SMARCC1: variants seen among roughly 807,000 people sequenced by gnomAD.
SMARCC1 encodes the protein SWI/SNF complex subunit SMARCC1.
Under a neutral mutation model 147.4 loss-of-function variants are expected in SMARCC1, and 43 were observed. The observed-to-expected ratio is 0.29, with a 90% CI of 0.23 to 0.38. The LOEUF (loss-of-function observed/expected upper bound fraction) is 0.38. SMARCC1 is among the 10% of genes least tolerant of loss of function. The pLI is 1.00. For missense variants in SMARCC1, 1,119 were observed against 1,381.1 expected, an observed-to-expected ratio of 0.81 and a Z score of 3.01; for synonymous variants, 495 against 484.4, an observed-to-expected ratio of 1.02 and a Z score of -0.29.
intron 13 of SMARCC1, among the ~76,000 whole-genome samples, chr3:47,688,565 TA>T (rs1277031409): frequency 6.6e-6 from 1 of 152,210 alleles, no homozygotes; most frequent in Non-Finnish European, 1.5e-5. Context: ...AGACGCCGTT[TA>T]TTTTTAAAAA....
At chr3:47,681,882 G>C (rs2033648246) in intron 14 of SMARCC1, among the ~76,000 whole-genome samples, 1 of 151,794 alleles carries the variant, frequency 6.6e-6, no homozygotes, top group South Asian at 2.1e-4. Flanking sequence ...GTTAGGAAAG[G>C]CCCACTTTTA....
chr3:47,600,998 TGAGAGAGAGAGAGAGAGAGA>T (rs66582985), intron 26 of SMARCC1, among the ~76,000 whole-genome samples: 83 of 85,140 alleles, frequency 9.7e-4, no homozygotes, highest in Non-Finnish European at 1.1e-3. Context: ...AGGAAGAAAA[TGAGAGAGAGAGAGAGAGAGA>T]GAGAGAGAGA....
chr3:47,765,986 G>A (rs761208768), intron 2 of SMARCC1, among the ~76,000 whole-genome samples: 14 of 152,126 alleles, frequency 9.2e-5, no homozygotes, highest in Non-Finnish European at 1.3e-4. Flanking sequence ...ACCTACCTCA[G>A]CCTCCCAAAG....
chr3:47,590,562 A>G, intron 27 of SMARCC1, 99 bp downstream of exon 27: 1 of 1,055,690 alleles, frequency 9.5e-7, no homozygotes, highest in South Asian at 2.1e-5. Flanking sequence ...TCATCCATGG[A>G]CCTGCCAAAT....
chr3:47,655,552 C>T (rs2033250614), intron 21 of SMARCC1, among the ~76,000 whole-genome samples: 1 of 151,836 alleles, frequency 6.6e-6, no homozygotes. Flanking sequence ...CAAAAATCAG[C>T]CAGGTGTCGT....
chr3:47,603,745 C>T (rs1037461410), intron 26 of SMARCC1: 7 of 277,902 alleles, frequency 2.5e-5, no homozygotes, highest in African/African-American at 1.1e-4. Flanking sequence ...CTGTGTATTT[C>T]ATTAAGATCA....
intron 19 of SMARCC1, among the ~76,000 whole-genome samples, chr3:47,668,856 G>C (rs1236128313): frequency 6.7e-6 from 1 of 149,824 alleles, no homozygotes; most frequent in Non-Finnish European, 1.5e-5. Flanking sequence ...CTGCACACTA[G>C]CATGGGGGAA....
At position 47,588,112 on chromosome 3, in the gene SMARCC1, A is replaced by G. The variant is rs1363648958; in HGVS notation, c.*97T>C. The G allele has an allele frequency of 3.0e-6, 3 of 986,390 alleles. No homozygotes were observed. The highest frequency in any genetic ancestry group is 2.4e-5 in the East Asian group (1 of 40,918). The allele number at this position is 986,390 out of a possible 1,614,324, so 61.1% of individuals were successfully genotyped here. A position where few individuals can be genotyped will look rare whatever the true frequency, so the allele number is the denominator to read the frequency against. On this transcript the variant is annotated 3_prime_UTR_variant, in exon 28 of 28. Coordinates refer to ENST00000254480, the MANE Select transcript of SMARCC1 (RefSeq NM_003074.4). ...CGTGCTTGGAGCTGTGAGAAGAAAA[A>G]TCCTGAAAGAAACCCAAGAAAGTTG...
chr3:47,756,129 G>A (rs901012740), intron 2 of SMARCC1, among the ~76,000 whole-genome samples: 3 of 151,188 alleles, frequency 2.0e-5, no homozygotes, highest in Non-Finnish European at 4.4e-5. Context: ...AGCCAAGATC[G>A]CGCCATTGCA....
intron 10 of SMARCC1, 60 bp from the exon 11 acceptor site, chr3:47,701,462 A>G: frequency 7.4e-6 from 11 of 1,484,396 alleles, no homozygotes; most frequent in Non-Finnish European, 1.0e-5. Context: ...GATAGCAAAC[A>G]GTTTCTGAGG....
chr3:47,780,316 C>T (rs922816366), intron 1 of SMARCC1, among the ~76,000 whole-genome samples: 1 of 151,760 alleles, frequency 6.6e-6, no homozygotes, highest in African/African-American at 2.4e-5. Context: ...GGATTACAGG[C>T]ATGTGCTGCC....
At chr3:47,666,806 C>A (rs998688710) in intron 19 of SMARCC1, among the ~76,000 whole-genome samples, 1 of 151,972 alleles carries the variant, frequency 6.6e-6, no homozygotes, top group East Asian at 1.9e-4. Context: ...CCCAGGGAAG[C>A]CAAAGATTGG....
At position 47,635,191 on chromosome 3, in the gene SMARCC1, T is replaced by C; in HGVS notation, c.2645A>G (p.Lys882Arg). 6.2e-7 allele frequency: 1 copy of C among 1,613,514 alleles called. No individual in the cohort carries two copies. ...GGAAAAGGGCTGTCAGGGGCAAACC[T>C]TGGCTTTGGTAGCCGCTGAGGCAAG... ...AALASAATKAKHLAAVEERKI... is the reference protein window; with the variant it reads ...AALASAATKARHLAAVEERKI... The change falls in exon 24 of 28, where the codon AAG becomes AGG. Residue 882 changes from lysine (K) to arginine (R), a missense_variant and splice_region_variant. By Grantham distance (26) the Lys-to-Arg change is conservative. Around this residue, in one of 6 missense-constraint regions of SMARCC1, gnomAD observed 42 missense variants for 89.4 expected, o/e 0.47. Transcript: ENST00000254480.
At chr3:47,634,546 A>G (rs1258299923) in intron 24 of SMARCC1, among the ~76,000 whole-genome samples, 1 of 152,244 alleles carries the variant, frequency 6.6e-6, no homozygotes, top group Non-Finnish European at 1.5e-5. Flanking sequence ...GAAGGAAACT[A>G]CTTCTGAAGT....
intron 5 of SMARCC1, among the ~76,000 whole-genome samples, chr3:47,732,451 A>G (rs541279255): frequency 6.6e-6 from 1 of 152,328 alleles, no homozygotes; most frequent in African/African-American, 2.4e-5. Context: ...CTAAAAACCT[A>G]GCTGTTTGAC....
chr3:47,746,495 CAGT>C (rs1483494949), intron 2 of SMARCC1: 9 of 152,318 alleles, frequency 5.9e-5, no homozygotes, highest in African/African-American at 2.2e-4. Flanking sequence ...TTCTTGTAGC[CAGT>C]ACAGTGGCTC....
chr3:47,634,046 C>T (rs2032936300), intron 24 of SMARCC1, among the ~76,000 whole-genome samples: 1 of 152,014 alleles, frequency 6.6e-6, no homozygotes, highest in Admixed American at 6.5e-5. Flanking sequence ...CAAGCATGTA[C>T]CTCAAAACTT....
At chr3:47,644,539 G>C (rs988501243) in intron 21 of SMARCC1, among the ~76,000 whole-genome samples, 2 of 152,056 alleles carry the variant, frequency 1.3e-5, no homozygotes, top group Non-Finnish European at 2.9e-5. Flanking sequence ...CTGGAGTCTC[G>C]CTCTATCACC....
chr3:47,598,657 T>G (rs2032336759), intron 26 of SMARCC1, among the ~76,000 whole-genome samples: 1 of 151,320 alleles, frequency 6.6e-6, no homozygotes, highest in Non-Finnish European at 1.5e-5. Flanking sequence ...TAGTGAAACC[T>G]CGTCTCTACT....
Sources: allele counts gnomAD v4.1 joint callset (sites outside exome capture counted in the v4.1 genomes callset), GRCh38; gene constraint gnomAD v4.1.1; regional missense constraint gnomAD v4.1.1; transcripts MANE v1.5; gene names NCBI Gene and HGNC (gene_info 2026-07-23, HGNC 2026-07-21).